SORCS3: variants seen among roughly 807,000 people sequenced by gnomAD.
The protein encoded by SORCS3 is sortilin related VPS10 domain containing receptor 3, also known as VPS10 domain-containing receptor SorCS3.
In SORCS3, 57 loss-of-function variants were observed where a neutral mutation model predicts 146.3. The observed-to-expected ratio is 0.39, with a 90% CI of 0.31 to 0.49. SORCS3 has a LOEUF of 0.49. Among genes scored for constraint, SORCS3 ranks in the 20% least tolerant of loss-of-function variants. SORCS3 has a pLI of 0.92. For synonymous variants in SORCS3, 653 were observed against 618.5 expected (o/e 1.06, Z -0.83); for missense variants, 1,341 against 1,575.5 (o/e 0.85, Z 2.52).
intron 1 of SORCS3, among the ~76,000 whole-genome samples, chr10:104,788,528 C>T (rs1205727849): frequency 6.6e-6 from 1 of 152,122 alleles, no homozygotes; most frequent in Non-Finnish European, 1.5e-5. Flanking sequence ...TCATAAGAAA[C>T]CTGTAATCCT....
intron 4 of SORCS3, among the ~76,000 whole-genome samples, chr10:105,004,266 G>C (rs894355254): frequency 3.3e-4 from 50 of 152,308 alleles, no homozygotes; most frequent in Middle Eastern, 3.4e-3. Flanking sequence ...CCTGGGAGCA[G>C]AAGGTTGACC....
chr10:105,095,807 C>T (rs2055741782), intron 6 of SORCS3, among the ~76,000 whole-genome samples: 1 of 151,868 alleles, frequency 6.6e-6, no homozygotes, highest in Admixed American at 6.6e-5. Context: ...TCCAGGGAAA[C>T]AAGTAAACCT....
At chr10:105,106,795 G>A (rs1212283230) in intron 7 of SORCS3, among the ~76,000 whole-genome samples, 1 of 152,128 alleles carries the variant, frequency 6.6e-6, no homozygotes, top group African/African-American at 2.4e-5. Flanking sequence ...CTGAAATGCA[G>A]AATCTCAGAA....
At chr10:104,773,978 G>A (rs1483028199) in intron 1 of SORCS3, among the ~76,000 whole-genome samples, 3 of 152,158 alleles carry the variant, frequency 2.0e-5, no homozygotes, top group Non-Finnish European at 4.4e-5. Flanking sequence ...TTTGCATTTA[G>A]CACCATTCCA....
chr10:104,730,033 T>G (rs1315381454), intron 1 of SORCS3, among the ~76,000 whole-genome samples: 1 of 152,204 alleles, frequency 6.6e-6, no homozygotes, highest in Admixed American at 6.5e-5. Flanking sequence ...TTGCTCAGAC[T>G]TGGTACTCAG....
intron 3 of SORCS3, among the ~76,000 whole-genome samples, chr10:104,943,319 G>A (rs1272297334): frequency 2.0e-5 from 3 of 151,924 alleles, no homozygotes; most frequent in East Asian, 1.9e-4. Context: ...TAGTAGAGAC[G>A]GGGTTCCACC....
chr10:104,886,131 C>G (rs917010032), intron 2 of SORCS3, among the ~76,000 whole-genome samples: 3 of 152,070 alleles, frequency 2.0e-5, no homozygotes, highest in Admixed American at 2.0e-4. Context: ...CTCCATAGTC[C>G]TTAAATGCAT....
intron 5 of SORCS3, 120 bp from the exon 6 acceptor site, chr10:105,089,655 G>T: frequency 2.7e-6 from 2 of 753,388 alleles, no homozygotes. Flanking sequence ...TTCCCATACT[G>T]CAGGATGGTC....
chr10:104,652,520 C>T (rs2015575406), intron 1 of SORCS3, among the ~76,000 whole-genome samples: 1 of 152,174 alleles, frequency 6.6e-6, no homozygotes, highest in African/African-American at 2.4e-5. Flanking sequence ...CTCCTTCATT[C>T]CTTAAGGAGC....
intron 19 of SORCS3, among the ~76,000 whole-genome samples, chr10:105,220,661 G>A (rs748192695): frequency 9.9e-5 from 15 of 152,074 alleles, no homozygotes; most frequent in Non-Finnish European, 1.3e-4. Flanking sequence ...TGAGAGATTT[G>A]AATCTGGGCA....
intron 17 of SORCS3, among the ~76,000 whole-genome samples, chr10:105,213,865 G>GA (rs3830282): frequency 0.43 from 65,906 of 151,604 alleles, 14,628 homozygotes; most frequent in South Asian, 0.54. Context: ...TTAGCAAGGA[G>GA]AAAAAAAATG....
At chr10:105,021,346 A>G (rs1017561773) in intron 4 of SORCS3, among the ~76,000 whole-genome samples, 1 of 152,144 alleles carries the variant, frequency 6.6e-6, no homozygotes, top group African/African-American at 2.4e-5. Flanking sequence ...TAATCCATTC[A>G]TGAGAGTGGA....
intron 4 of SORCS3, among the ~76,000 whole-genome samples, chr10:105,016,155 A>ATATATATATATATTTTTT (rs71482443): frequency 9.9e-6 from 1 of 101,344 alleles, no homozygotes; most frequent in African/African-American, 4.8e-5. Context: ...ATATATATAT[A>ATATATATATATATTTTTT]TTTTTTTTTT....
chr10:104,736,054 T>C (rs942644228), intron 1 of SORCS3, among the ~76,000 whole-genome samples: 1 of 152,194 alleles, frequency 6.6e-6, no homozygotes, highest in Non-Finnish European at 1.5e-5. Flanking sequence ...CTCATCCCCC[T>C]TGGGCTGGTG....
At chr10:105,179,937 C>T (rs1436998138) in intron 14 of SORCS3, among the ~76,000 whole-genome samples, 2 of 152,186 alleles carry the variant, frequency 1.3e-5, no homozygotes, top group Non-Finnish European at 2.9e-5. Flanking sequence ...GTGTATCCTT[C>T]CCCTTACTGT....
intron 13 of SORCS3, among the ~76,000 whole-genome samples, chr10:105,177,861 A>G (rs2056417168): frequency 6.6e-6 from 1 of 152,118 alleles, no homozygotes; most frequent in Non-Finnish European, 1.5e-5. Context: ...CTGCAACTCT[A>G]GGTGCTGTCT....
At chr10:104,930,303 T>C (rs1229061421) in intron 3 of SORCS3, among the ~76,000 whole-genome samples, 2 of 152,206 alleles carry the variant, frequency 1.3e-5, no homozygotes, top group Non-Finnish European at 2.9e-5. Context: ...GAAACCAGAT[T>C]GTCAACTTTT....
chr10:105,077,504 C>A (rs890090406), intron 5 of SORCS3, among the ~76,000 whole-genome samples: 1 of 143,954 alleles, frequency 6.9e-6, no homozygotes, highest in African/African-American at 2.6e-5. Flanking sequence ...TCTGGTTGCA[C>A]GAAACTGACT....
chr10:105,011,073 C>CTGATGACTTT (rs1296365353), intron 4 of SORCS3, among the ~76,000 whole-genome samples: 16 of 152,150 alleles, frequency 1.1e-4, no homozygotes, highest in Non-Finnish European at 2.4e-4. Flanking sequence ...GATGTCCAGC[C>CTGATGACTTT]TGATGACTTT....
Sources: allele counts gnomAD v4.1 joint callset (sites outside exome capture counted in the v4.1 genomes callset), GRCh38; gene constraint gnomAD v4.1.1; transcripts MANE v1.5; gene names NCBI Gene and HGNC (gene_info 2026-07-23, HGNC 2026-07-21).